The following RNF212 variants were observed in gnomAD, a reference collection of about 807,000 sequenced individuals.
RNF212 encodes the protein ring finger protein 212.
A neutral mutation model predicts 34.7 loss-of-function variants in RNF212; 33 were observed. The observed-to-expected ratio is 0.95, with a 90% CI of 0.72 to 1.27. The LOEUF is 1.27. Ranked by LOEUF, RNF212 falls within the 50% of genes most tolerant of loss-of-function variation. The pLI is 0.00. For missense variants in RNF212, 377 were observed against 362.2 expected (o/e 1.04, Z -0.33); for synonymous variants, 140 against 136.1 (o/e 1.03, Z -0.20).
intron 1 of RNF212, among the ~76,000 whole-genome samples, chr4:1,112,361 C>A (rs1725821813): frequency 6.6e-6 from 1 of 152,156 alleles, no homozygotes; most frequent in South Asian, 2.1e-4. Context: ...GCTGGCGTCC[C>A]CTGGGGCTGG....
Position 1,056,889 on chromosome 4 carries a change from G to A in RNF212, n.221-386C>T, listed in dbSNP as rs1239360410. ...GGGATGCTGATGGGCGGCCGGGGGG[G>A]CAGCCTGGCCTGGGAGCCCCCGAAG... On this transcript the variant is annotated intron_variant and non_coding_transcript_variant, in intron 4 of 4. Coordinates refer to the RNF212 transcript ENST00000503206. 6.1e-6 allele frequency: 6 copies of A among 987,884 alleles called. No homozygotes were observed. In the South Asian group the frequency reaches 1.9e-4, roughly 31 times the overall value. The allele number at this position is 987,884 out of a possible 1,614,324, so 61.2% of individuals were successfully genotyped here.
rs1250476435 is a variant in RNF212 at position 1,113,352 on chromosome 4, T to C, written c.109+4A>G. 7.4e-6 allele frequency: 10 copies of C among 1,347,596 alleles called. No individual in the cohort carries two copies. Among genetic ancestry groups the C allele is most frequent in the Non-Finnish European group, 9.7e-6 (10 of 1,028,846 alleles). The allele number at this position is 1,347,596 out of a possible 1,614,324, so 83.5% of individuals were successfully genotyped here. Reference sequence around the variant, plus strand: ...TCTCCAGCCTGCGTTCGGGAAGCCCTGACCTTTGCCGAGGCAGGCGTCGCA... The same window carrying C: ...TCTCCAGCCTGCGTTCGGGAAGCCCCGACCTTTGCCGAGGCAGGCGTCGCA... On this transcript the variant is annotated splice_donor_region_variant and intron_variant, in intron 1 of 9. Transcript: ENST00000433731.
At chr4:1,094,039 G>A in intron 3 of RNF212, 1 of 1,404,672 alleles carries the variant, frequency 7.1e-7, no homozygotes, top group Non-Finnish European at 9.4e-7. Flanking sequence ...GGCTGTTTCA[G>A]AAGCAAGGAA....
intron 8 of RNF212, among the ~76,000 whole-genome samples, chr4:1,075,433 G>A (rs1390197873): frequency 6.6e-6 from 1 of 152,186 alleles, no homozygotes; most frequent in Non-Finnish European, 1.5e-5. Flanking sequence ...GGCCAAGGGG[G>A]AGCAGGCGCG....
At position 1,078,515 on chromosome 4, in the gene RNF212, G is replaced by A. The variant is rs945967334; in HGVS notation, c.510+1128C>T. 2.6e-5 allele frequency among the ~76,000 whole-genome samples: 4 copies of A among 152,232 alleles called. No homozygotes were observed. The South Asian group carries it at 6.2e-4, about 24-fold the overall frequency. ...CTCTGGTCTTGCTTCTCTCCAGCTT[G>A]AAGTTGTTGCTTCCTGTTTCCCAGA... On this transcript the variant is annotated intron_variant, in intron 8 of 9. Coordinates refer to ENST00000433731, the MANE Select transcript of RNF212 (RefSeq NM_001131034.4).
At chr4:1,101,326 G>T in intron 2 of RNF212, 2 of 262,432 alleles carry the variant, frequency 7.6e-6, no homozygotes, top group Non-Finnish European at 1.6e-5. Flanking sequence ...AGACAATACT[G>T]AGCAGAATTT....
At chr4:1,093,275 T>C (rs990889823) in intron 3 of RNF212, 4 of 670,234 alleles carry the variant, frequency 6.0e-6, no homozygotes, top group African/African-American at 1.9e-5. Context: ...GTTTTATCTG[T>C]TGGTATTTAC....
intron 4 of RNF212, 129 bp from the exon 5 acceptor site, chr4:1,086,083 G>C (rs940657854): frequency 1.4e-6 from 1 of 715,978 alleles, no homozygotes; most frequent in Non-Finnish European, 2.5e-6. Context: ...CGCTGCTCAG[G>C]AGTAAATCTG....
intron 3 of RNF212, among the ~76,000 whole-genome samples, chr4:1,059,894 A>C (rs527690718): frequency 6.6e-4 from 100 of 152,286 alleles, no homozygotes; most frequent in Middle Eastern, 6.8e-3. Context: ...CGGGAGTTCA[A>C]GACCAGCCCG....
Position 1,079,625 on chromosome 4 carries a change from C to T in RNF212, c.510+18G>A, listed in dbSNP as rs1349794401. 2 of 1,570,828 alleles carry T rather than the reference C, an allele frequency of 1.3e-6. No homozygotes were observed. Among genetic ancestry groups the T allele is most frequent in the Non-Finnish European group, 8.8e-7 (1 of 1,140,584 alleles). On this transcript the variant is annotated intron_variant, in intron 8 of 9. Transcript: ENST00000433731. ...ACGTCTGGTATACAGAGGAACTCAG[C>T]AGGAGAGATGCACTTACTTTTCTAA... is the stretch of plus-strand genomic sequence containing the variant.
Position 1,072,994 on chromosome 4 carries a change from C to T in RNF212, c.774G>A (p.Glu258=). Residue 258 remains glutamate, a synonymous_variant, in exon 10 of 10, where the codon GAG becomes GAA. Coordinates refer to ENST00000433731, the MANE Select transcript of RNF212 (RefSeq NM_001131034.4). The part of the protein sequence containing the change: ...TNSKTLPIYA[E]VQRAVLFPFQ... ...ACGGAAACAAGACGGCCCTTTGTAC[C>T]TCAGCATATATTGGAAGTGTTTTAG... The T allele has an allele frequency of 3.1e-6, 5 of 1,614,182 alleles. No individual in the cohort carries two copies. Among genetic ancestry groups the T allele is most frequent in the Non-Finnish European group, 3.4e-6 (4 of 1,180,032 alleles).
chr4:1,095,072 C>G (rs926924427), intron 3 of RNF212, among the ~76,000 whole-genome samples: 1 of 151,276 alleles, frequency 6.6e-6, no homozygotes, highest in African/African-American at 2.4e-5. Context: ...GATAGCGCAC[C>G]TGGCTCATCA....
chr4:1,076,370 CG>C (rs1560105217), intron 8 of RNF212, among the ~76,000 whole-genome samples: 1 of 152,206 alleles, frequency 6.6e-6, no homozygotes, highest in Admixed American at 6.5e-5. Flanking sequence ...TTTGCTTCTC[CG>C]AGTCCACCCA....
At chr4:1,093,028 G>C (rs1351746061) in intron 3 of RNF212, among the ~76,000 whole-genome samples, 1 of 31,800 alleles carries the variant, frequency 3.1e-5, no homozygotes, top group African/African-American at 5.7e-5. Flanking sequence ...GCCTGTGGTA[G>C]GGCAGAGGCT....
In RNF212 at chr4:1,087,563, G is replaced by T. The variant is rs559999068; in HGVS notation, c.304-1609C>A. 2.0e-5 allele frequency among the ~76,000 whole-genome samples: 3 copies of T among 149,718 alleles called. No homozygotes were observed. The South Asian group carries it at 6.5e-4, about 32-fold the overall frequency. ...ACAGGGGAGAGGCTGACAGGACAGG[G>T]TGGGTGTGACAGGAGCAGGGAGTGG... On this transcript the variant is annotated intron_variant, in intron 4 of 9. Coordinates refer to ENST00000433731, the MANE Select transcript of RNF212 (RefSeq NM_001131034.4).
intron 2 of RNF212, among the ~76,000 whole-genome samples, chr4:1,107,719 G>T (rs2153065919): frequency 6.6e-6 from 1 of 152,212 alleles, no homozygotes; most frequent in Admixed American, 6.5e-5. Context: ...CAAAGTGCTG[G>T]GATTACAGGC....
chr4:1,062,747 T>C (rs1456942942), intron 3 of RNF212, among the ~76,000 whole-genome samples: 8 of 152,054 alleles, frequency 5.3e-5, no homozygotes, highest in Non-Finnish European at 1.5e-5. Flanking sequence ...GGCATCGTGG[T>C]TGGAAAGGAA....
downstream of RNF212, among the ~76,000 whole-genome samples, chr4:1,067,979 C>G (rs955678015): frequency 2.5e-4 from 38 of 152,080 alleles, 2 homozygotes; most frequent in Non-Finnish European, 1.2e-4. Flanking sequence ...AAGCTCTAAT[C>G]AATGGAGAGA....
chr4:1,092,914 G>A (rs606327), intron 3 of RNF212, among the ~76,000 whole-genome samples: 28,157 of 152,208 alleles, frequency 0.18, 4,240 homozygotes, highest in African/African-American at 0.42. Context: ...CTCACTCTTC[G>A]GTTCAATACC....
Sources: gnomAD v4.1 joint callset for allele counts (sites outside exome capture counted in the v4.1 genomes callset) on GRCh38, gnomAD v4.1.1 for gene constraint, MANE v1.5 for transcripts, NCBI Gene and HGNC (gene_info 2026-07-23, HGNC 2026-07-21) for gene names.